Variants in KLHL5 observed in about 807,000 individuals in gnomAD.
KLHL5 encodes kelch-like protein 5.
A neutral mutation model predicts 77.7 loss-of-function variants in KLHL5; 48 were observed. The ratio of observed to expected loss-of-function variants is 0.62; its 90% CI spans 0.49 to 0.79. The LOEUF (loss-of-function observed/expected upper bound fraction) is 0.79, where lower values mean the gene tolerates loss of function less well. Ranked by LOEUF, KLHL5 falls within the 30% of genes least tolerant of loss-of-function variation. The probability of loss-of-function intolerance (pLI) is 0.00; values close to 1 mark genes in which losing one functional copy is unlikely to be tolerated. For missense variants in KLHL5, 723 were observed against 859.7 expected, an observed-to-expected ratio of 0.84 and a Z score of 1.99; for synonymous variants, 260 against 297.0, an observed-to-expected ratio of 0.88 and a Z score of 1.28.
intron 1 of KLHL5, among the ~76,000 whole-genome samples, chr4:39,073,667 TG>T (rs1380930235): frequency 1.3e-5 from 2 of 151,918 alleles, no homozygotes; most frequent in Non-Finnish European, 2.9e-5. Flanking sequence ...ATTTTTGAGA[TG>T]GAGTCTCACT....
intron 1 of KLHL5, among the ~76,000 whole-genome samples, chr4:39,051,076 CT>C: frequency 6.6e-6 from 1 of 152,176 alleles, no homozygotes. Flanking sequence ...TAGCTCTGCT[CT>C]TTTCTTCCAT....
intron 4 of KLHL5, 91 bp from the exon 5 acceptor site, chr4:39,086,424 G>A (rs1039580897): frequency 1.1e-6 from 1 of 913,874 alleles, no homozygotes; most frequent in African/African-American, 1.7e-5. Context: ...TTGTGTGTTG[G>A]TAGCTAATAT....
Position 39,062,912 on chromosome 4 carries a change from C to G in KLHL5, c.260C>G (p.Thr87Ser). The change falls in exon 1 of 11, where the codon ACC becomes AGC. Residue 87 changes from threonine to serine, a missense_variant. Physicochemically the swap from Thr to Ser is moderately conservative, Grantham distance 58 (BLOSUM62 1). This residue lies in a region of KLHL5 where 221 missense variants were observed against 222.1 expected (regional missense o/e 1.00). Transcript: ENST00000504108. ...TCACCTTCTTGGCCAATGGCATCCA[C>G]CTCTGAAGTCCCTGCATTTGAGTTT... ...QNSPSWPMAS[T>S]SEVPAFEFTA... 1.9e-6 allele frequency: 3 copies of G among 1,614,210 alleles called. No individual in the cohort carries two copies. The highest frequency in any genetic ancestry group is 2.5e-6 in the Non-Finnish European group (3 of 1,180,026).
chr4:39,074,461 T>C (rs1449240144), intron 1 of KLHL5, among the ~76,000 whole-genome samples: 2 of 152,222 alleles, frequency 1.3e-5, no homozygotes, highest in Non-Finnish European at 2.9e-5. Flanking sequence ...AAAGAAAATA[T>C]GGAAAAGCCA....
upstream of KLHL5, chr4:39,045,034 C>T (rs1165407413): frequency 3.0e-6 from 3 of 993,926 alleles, no homozygotes; most frequent in Non-Finnish European, 2.4e-6. Context: ...CCGCCTCCCC[C>T]GCTCCTCCCG....
rs1172081351 is a variant in KLHL5 at position 39,121,245 on chromosome 4, T to C, written c.*179T>C. The C allele has an allele frequency of 1.7e-6, 1 of 593,058 alleles. No individual in the cohort carries two copies. Among genetic ancestry groups the C allele is most frequent in the Non-Finnish European group, 3.0e-6 (1 of 335,274 alleles). The allele number at this position is 593,058 out of a possible 1,614,324, so 36.7% of individuals were successfully genotyped here. ...GAAGCAGTGGATGGACCAGGATTAA[T>C]TCCTTTCATTTCTTAGTAAATTAAA... On this transcript the variant is annotated 3_prime_UTR_variant, in exon 11 of 11. Coordinates refer to ENST00000504108, the MANE Select transcript of KLHL5 (RefSeq NM_015990.5).
chr4:39,085,177 T>C (rs906862586), intron 4 of KLHL5, among the ~76,000 whole-genome samples: 15 of 152,184 alleles, frequency 9.9e-5, no homozygotes, highest in African/African-American at 3.6e-4. Flanking sequence ...TATTAAAATA[T>C]GTTTCTGAAA....
chr4:39,091,713 C>T (rs1018601394), intron 5 of KLHL5, among the ~76,000 whole-genome samples: 15 of 150,852 alleles, frequency 9.9e-5, no homozygotes, highest in Non-Finnish European at 1.6e-4. Context: ...CTCTGTCACC[C>T]AGGCTTGAGT....
At chr4:39,094,984 A>C (rs1041822859) in intron 5 of KLHL5, among the ~76,000 whole-genome samples, 8 of 152,188 alleles carry the variant, frequency 5.3e-5, no homozygotes, top group Non-Finnish European at 1.0e-4. Context: ...CTATGAAAAG[A>C]AAGACACATA....
rs949406846 is a variant in KLHL5, at chr4:39,126,093, C to G, written c.*5027C>G. Among the ~76,000 whole-genome samples the G allele has an allele frequency of 1.3e-5, 2 of 152,116 alleles. No individual in the cohort carries two copies. Among genetic ancestry groups the G allele is most frequent in the Non-Finnish European group, 2.9e-5 (2 of 68,036 alleles). On this transcript the variant is annotated 3_prime_UTR_variant, in exon 11 of 11. Transcript: ENST00000504108. ...AGTTAACGGGGAACTTCCCCACCGT[C>G]CGGTACATGGCAGGCATTCCACAAA...
upstream of KLHL5, among the ~76,000 whole-genome samples, chr4:39,060,620 C>G (rs1717337482): frequency 6.6e-6 from 1 of 152,124 alleles, no homozygotes; most frequent in South Asian, 2.1e-4. Flanking sequence ...GGGAGGCAAA[C>G]AGTGTTATAA....
chr4:39,058,521 A>G (rs774130267), upstream of KLHL5, among the ~76,000 whole-genome samples: 2 of 151,938 alleles, frequency 1.3e-5, no homozygotes, highest in Non-Finnish European at 2.9e-5. Context: ...GGAGGCTGAG[A>G]TGGAAGGACC....
At chr4:39,120,068 T>C (rs2109616606) in intron 10 of KLHL5, 1 of 152,334 alleles carries the variant, frequency 6.6e-6, no homozygotes, top group East Asian at 1.9e-4. Flanking sequence ...GGAAGTCATT[T>C]TGGCATTTGA....
the KLHL5 span, among the ~76,000 whole-genome samples, chr4:39,136,528 C>T: frequency 2.6e-5 from 4 of 152,044 alleles, no homozygotes; most frequent in Admixed American, 6.6e-5. Context: ...ACAGTGGTGT[C>T]GAGAGGACTC....
chr4:39,093,901 G>A (rs1214173781), intron 5 of KLHL5, among the ~76,000 whole-genome samples: 9 of 149,890 alleles, frequency 6.0e-5, no homozygotes, highest in African/African-American at 2.0e-4. Flanking sequence ...GAGACTTCCC[G>A]TCTCAAAAAA....
At chr4:39,115,974 A>G in intron 10 of KLHL5, 1 of 985,734 alleles carries the variant, frequency 1.0e-6, no homozygotes, top group Non-Finnish European at 1.2e-6. Flanking sequence ...ATAAAAGACA[A>G]TAAATGTTTA....
At chr4:39,116,308 G>C (rs1722837665) in intron 10 of KLHL5, 1 of 152,408 alleles carries the variant, frequency 6.6e-6, no homozygotes, top group South Asian at 2.1e-4. Flanking sequence ...ACTTCAGCCT[G>C]GGTGACAGAG....
intron 1 of KLHL5, among the ~76,000 whole-genome samples, chr4:39,066,956 C>G (rs2711985): frequency 6.6e-6 from 1 of 152,070 alleles, no homozygotes; most frequent in Non-Finnish European, 1.5e-5. Flanking sequence ...AGGAAAATTA[C>G]AAAGATGATA....
At chr4:39,053,540 G>C (rs1452307536) in intron 1 of KLHL5, among the ~76,000 whole-genome samples, 2 of 152,122 alleles carry the variant, frequency 1.3e-5, no homozygotes, top group African/African-American at 2.4e-5. Context: ...GATCAGGCAA[G>C]AATTTAGCAG....
Sources: allele counts gnomAD v4.1 joint callset (sites outside exome capture counted in the v4.1 genomes callset), GRCh38; gene constraint gnomAD v4.1.1; regional missense constraint gnomAD v4.1.1; transcripts MANE v1.5; gene names NCBI Gene and HGNC (gene_info 2026-07-23, HGNC 2026-07-21).